The following MEIS2 variants were observed in gnomAD, a reference collection of about 807,000 sequenced individuals.
MEIS2 encodes the protein Meis homeobox 2.
A neutral mutation model predicts 58.6 loss-of-function variants in MEIS2; 9 were observed. The observed-to-expected ratio is 0.15, with a 90% confidence interval of 0.09 to 0.27. The LOEUF is 0.27. MEIS2 is among the 10% of genes least tolerant of loss of function. The pLI is 1.00. For missense variants in MEIS2, 427 were observed against 635.0 expected (o/e 0.67, Z 3.52); for synonymous variants, 221 against 228.4 (o/e 0.97, Z 0.29).
intron 8 of MEIS2, among the ~76,000 whole-genome samples, chr15:36,968,292 T>C (rs542082865): frequency 2.8e-4 from 43 of 152,308 alleles, no homozygotes; most frequent in Admixed American, 5.2e-4. Context: ...TAGATGCTGG[T>C]TAGAAATTTC....
intron 8 of MEIS2, among the ~76,000 whole-genome samples, chr15:36,999,737 A>T (rs2060653869): frequency 6.6e-6 from 1 of 152,224 alleles, no homozygotes. Context: ...ATCAAAGTGA[A>T]ATTTGAAAGA....
chr15:36,973,492 G>C (rs1288717167), intron 8 of MEIS2, among the ~76,000 whole-genome samples: 1 of 152,142 alleles, frequency 6.6e-6, no homozygotes, highest in Non-Finnish European at 1.5e-5. Flanking sequence ...AAGGAGAGTA[G>C]GCATAAAACT....
rs542478499 is a variant in MEIS2, at chr15:36,892,193, T to C, written c.1414A>G (p.Met472Val). The C allele has an allele frequency of 6.2e-7, 1 of 1,614,218 alleles. No homozygotes were observed. The highest frequency in any genetic ancestry group is 1.1e-5 in the South Asian group (1 of 91,082). The change falls in exon 12 of 12, where the codon ATG (methionine) becomes GTG (valine). Residue 472 changes from methionine (M) to valine (V), a missense_variant. Met to Val is a conservative substitution (Grantham distance 21, BLOSUM62 1). Coordinates refer to ENST00000561208, the MANE Select transcript of MEIS2 (RefSeq NM_170675.5). Reference protein sequence around the residue: ...SVDPNVGGQVMDIHAQ With the variant: ...SVDPNVGGQVVDIHAQ ...TTATACTATTGGGCATGAATGTCCA[T>C]AACCTGTCCGCCAACATTGGGATCT...
chr15:36,910,929 C>T (rs1051949776), intron 9 of MEIS2, among the ~76,000 whole-genome samples: 3 of 151,506 alleles, frequency 2.0e-5, no homozygotes, highest in Non-Finnish European at 2.9e-5. Context: ...CCTGTACTCC[C>T]GGCTATTCGA....
chr15:37,084,076 A>G (rs1892586673), intron 6 of MEIS2, among the ~76,000 whole-genome samples, 191 bp from the exon 7 acceptor site: 1 of 152,228 alleles, frequency 6.6e-6, no homozygotes, highest in Non-Finnish European at 1.5e-5. Flanking sequence ...AAGATGTTCT[A>G]GAACTTGATG....
At position 36,889,580 on chromosome 15, in the gene MEIS2, A is replaced by T. The variant is rs752257393; in HGVS notation, c.*2593T>A. 6.6e-6 allele frequency: 1 copy of T among 152,220 alleles called. No individual in the cohort carries two copies. Among genetic ancestry groups the T allele is most frequent in the Non-Finnish European group, 1.5e-5 (1 of 68,034 alleles). 9.4% of individuals were successfully genotyped at this position (152,220 alleles called of 1,614,324 possible). On this transcript the variant is annotated 3_prime_UTR_variant, in exon 12 of 12. Transcript: ENST00000561208. ...AACTAAGCATGAGATGACTTTATTC[A>T]TTAAAACCAAGAGTTGAGAGCTCTG... is the stretch of plus-strand genomic sequence containing the variant.
intron 9 of MEIS2, among the ~76,000 whole-genome samples, chr15:36,908,333 A>T (rs887861728): frequency 9.2e-5 from 14 of 152,182 alleles, no homozygotes; most frequent in African/African-American, 3.1e-4. Context: ...ACCACAAGAG[A>T]CCTAGCAAAC....
chr15:37,060,121 G>T lies in MEIS2; in HGVS notation c.755-23162C>A, dbSNP rs190894484. Among the ~76,000 whole-genome samples, 12 of 151,682 alleles carry T rather than the reference G, an allele frequency of 7.9e-5. No individual in the cohort carries two copies. In the East Asian group the frequency reaches 2.3e-3, roughly 30 times the overall value. The stretch of plus-strand genomic sequence containing the variant: ...GCCTGACTAATTTTTTAAATATTTT[G>T]TAGAGCTGGGGGTCTTGCCATGTTG... On this transcript the variant is annotated intron_variant, in intron 7 of 11. Transcript: ENST00000561208.
chr15:36,911,256 A>G (rs191402149), intron 9 of MEIS2, among the ~76,000 whole-genome samples: 4 of 149,594 alleles, frequency 2.7e-5, no homozygotes, highest in African/African-American at 9.8e-5. Context: ...ACCGAAGAAT[A>G]ATCTTAAGAA....
intron 8 of MEIS2, among the ~76,000 whole-genome samples, chr15:37,003,101 C>T (rs1284250066): frequency 6.6e-6 from 1 of 152,090 alleles, no homozygotes; most frequent in Non-Finnish European, 1.5e-5. Context: ...ACAGAGGGAG[C>T]CCAGAGCAAA....
At chr15:36,957,720 TAC>T (rs1305118240) in intron 8 of MEIS2, among the ~76,000 whole-genome samples, 1 of 152,238 alleles carries the variant, frequency 6.6e-6, no homozygotes, top group African/African-American at 2.4e-5. Flanking sequence ...TCAAACTTTC[TAC>T]AGCACTTAGC....
intron 8 of MEIS2, among the ~76,000 whole-genome samples, chr15:36,967,393 G>A (rs1424226914): frequency 6.6e-6 from 1 of 152,168 alleles, no homozygotes; most frequent in Admixed American, 6.5e-5. Context: ...GATTAGGACA[G>A]TGTCCTTTGC....
chr15:37,033,263 GA>G (rs939374500), intron 8 of MEIS2, among the ~76,000 whole-genome samples: 10 of 147,932 alleles, frequency 6.8e-5, no homozygotes, highest in South Asian at 2.2e-4. Flanking sequence ...TGGGTGTTTG[GA>G]AAAAAAAAAT....
intron 8 of MEIS2, among the ~76,000 whole-genome samples, chr15:36,954,215 G>T (rs1486863287): frequency 6.6e-6 from 1 of 151,586 alleles, no homozygotes; most frequent in African/African-American, 2.4e-5. Flanking sequence ...ATATATTATT[G>T]AGTAAAAAAA....
intron 4 of MEIS2, 63 bp from the exon 5 acceptor site, chr15:37,094,640 T>G: frequency 2.9e-4 from 424 of 1,481,786 alleles, no homozygotes; most frequent in Non-Finnish European, 3.6e-4. Context: ...GTCTTGGGGT[T>G]GGGAGTGGGG....
At chr15:37,000,844 G>A (rs922478786) in intron 8 of MEIS2, among the ~76,000 whole-genome samples, 1 of 151,990 alleles carries the variant, frequency 6.6e-6, no homozygotes, top group Non-Finnish European at 1.5e-5. Flanking sequence ...TCCGCTCCCT[G>A]CCCCCTCCCA....
intron 9 of MEIS2, among the ~76,000 whole-genome samples, chr15:36,918,480 A>T (rs948823972): frequency 6.6e-5 from 10 of 152,254 alleles, no homozygotes; most frequent in Non-Finnish European, 1.0e-4. Context: ...AAACATATTT[A>T]AAAAATTCTA....
chr15:37,036,653 A>C, intron 8 of MEIS2, 161 bp downstream of exon 8: 1 of 686,640 alleles, frequency 1.5e-6, no homozygotes, highest in Non-Finnish European at 2.3e-6. Flanking sequence ...TTTGGATGGT[A>C]ATAGTTGATG....
In MEIS2 at chr15:36,896,526, C is replaced by T. The variant is rs1426637506; in HGVS notation, c.1036+102G>A. 6.7e-6 allele frequency: 6 copies of T among 891,244 alleles called. No homozygotes were observed. The African/African-American group carries it at 8.5e-5, about 13-fold the overall frequency. 55.2% of individuals were successfully genotyped at this position (891,244 alleles called of 1,614,324 possible). The stretch of plus-strand genomic sequence containing the variant: ...CATTAAAAAAAAAAATCCAGAATGC[C>T]TGGTGGAAGCACTTATTTATCAGAT... On this transcript the variant is annotated intron_variant, in intron 10 of 11. Coordinates refer to ENST00000561208, the MANE Select transcript of MEIS2 (RefSeq NM_170675.5).
Sources: allele counts gnomAD v4.1 joint callset (sites outside exome capture counted in the v4.1 genomes callset), GRCh38; gene constraint gnomAD v4.1.1; transcripts MANE v1.5; gene names NCBI Gene and HGNC (gene_info 2026-07-23, HGNC 2026-07-21).